Variants in CLMN observed in about 807,000 individuals in gnomAD.
CLMN encodes the protein calmin (calponin-like, transmembrane).
CLMN carries 57 observed loss-of-function variants against 92.7 expected under a neutral mutation model. That is an observed-to-expected ratio of 0.61 (90% confidence interval 0.50 to 0.77). The LOEUF (loss-of-function observed/expected upper bound fraction) is 0.77, where lower values mean the gene tolerates loss of function less well. CLMN is among the 30% of genes least tolerant of loss of function. The pLI, the probability that CLMN is intolerant of heterozygous loss-of-function variation, is 0.00. For missense variants in CLMN, 1,158 were observed against 1,237.5 expected (o/e 0.94, Z 0.96); for synonymous variants, 466 against 470.6 (o/e 0.99, Z 0.13).
Position 95,267,609 on chromosome 14 carries a change from T to C in CLMN, c.83-37476A>G, listed in dbSNP as rs570763633. 2.7e-3 allele frequency among the ~76,000 whole-genome samples: 406 copies of C among 152,298 alleles called. 3 individuals carry two copies. Among genetic ancestry groups the C allele is most frequent in the African/African-American group, 9.6e-3 (399 of 41,576 alleles). The stretch of plus-strand genomic sequence containing the variant: ...AGAATGTAAATTAACACAGCCACTA[T>C]GAAGATTCGTCAAAAAACTAAAAAT... On this transcript the variant is annotated intron_variant, in intron 1 of 12. Coordinates refer to ENST00000298912, the MANE Select transcript of CLMN (RefSeq NM_024734.4).
At chr14:95,288,846 G>C (rs552729271) in intron 1 of CLMN, among the ~76,000 whole-genome samples, 1 of 152,108 alleles carries the variant, frequency 6.6e-6, no homozygotes, top group Admixed American at 6.5e-5. Context: ...TGGTACAGTC[G>C]CACAAAGGAA....
At chr14:95,206,294 A>C (rs912204574) in intron 8 of CLMN, among the ~76,000 whole-genome samples, 2 of 152,210 alleles carry the variant, frequency 1.3e-5, no homozygotes, top group Non-Finnish European at 2.9e-5. Flanking sequence ...TAAGAGGAGA[A>C]ATAAATTCAC....
In CLMN at chr14:95,223,831, C is replaced by T. The variant is rs1365035173; in HGVS notation, c.169G>A (p.Asp57Asn). 6.2e-7 allele frequency: 1 copy of T among 1,613,466 alleles called. No individual in the cohort carries two copies. The highest frequency in any genetic ancestry group is 1.7e-5 in the Admixed American group (1 of 59,770). ...EKCNPPLEVK[D>N]LFVDIQDGKI... ...CCATCTTGTATATCGACGAATAAATCTTTAACTTCTAGAGGTGGGTTGCAC... is the reference window on the plus strand; with the variant it reads ...CCATCTTGTATATCGACGAATAAATTTTTAACTTCTAGAGGTGGGTTGCAC... Residue 57 changes from aspartate to asparagine, a missense_variant, in exon 3 of 13, where the codon GAT (aspartate) becomes AAT (asparagine). Coordinates refer to ENST00000298912, the MANE Select transcript of CLMN (RefSeq NM_024734.4).
chr14:95,303,677 A>C (rs1901154855), intron 1 of CLMN, among the ~76,000 whole-genome samples: 1 of 152,222 alleles, frequency 6.6e-6, no homozygotes, highest in South Asian at 2.1e-4. Context: ...GAAATGGTCA[A>C]AATGGAATGA....
chr14:95,314,704 G>A (rs1298382642), intron 1 of CLMN, among the ~76,000 whole-genome samples: 1 of 152,144 alleles, frequency 6.6e-6, no homozygotes, highest in Non-Finnish European at 1.5e-5. Context: ...GGCCCCTCAA[G>A]AAAAATCCAC....
chr14:95,313,266 G>A (rs1005462537), intron 1 of CLMN, among the ~76,000 whole-genome samples: 7 of 152,194 alleles, frequency 4.6e-5, no homozygotes, highest in African/African-American at 1.7e-4. Context: ...TTTGCTGAGA[G>A]CATTTTACTA....
At chr14:95,223,924 G>T in intron 2 of CLMN, 69 bp from the exon 3 acceptor site, 3 of 1,084,696 alleles carry the variant, frequency 2.8e-6, no homozygotes, top group Non-Finnish European at 2.8e-6. Context: ...TGTCAGAGAT[G>T]CAGCTTTCTG....
chr14:95,270,592 T>C lies in CLMN; in HGVS notation c.83-40459A>G, dbSNP rs114223740. 1.8e-3 allele frequency among the ~76,000 whole-genome samples: 273 copies of C among 151,994 alleles called. 2 individuals carry two copies. The highest frequency in any genetic ancestry group is 6.1e-3 in the African/African-American group (252 of 41,226). On this transcript the variant is annotated intron_variant, in intron 1 of 12. Transcript: ENST00000298912. ...TAATGTTTTCAAGGTTCATCCATAT[T>C]ATAGGACGTTTTCAAGGTTTATCCA... is the stretch of plus-strand genomic sequence containing the variant.
At chr14:95,245,211 TATATATATATATATTATATATATATATTA>T in intron 1 of CLMN, among the ~76,000 whole-genome samples, 2 of 21,782 alleles carry the variant, frequency 9.2e-5, no homozygotes, top group East Asian at 5.8e-3. Flanking sequence ...ATATATATTA[TATATATATATATATTATATATATATATTA>T]TATATATATA....
At chr14:95,301,687 C>G (rs1166379347) in intron 1 of CLMN, among the ~76,000 whole-genome samples, 1 of 152,250 alleles carries the variant, frequency 6.6e-6, no homozygotes, top group Non-Finnish European at 1.5e-5. Flanking sequence ...TGCATGCTGG[C>G]TCATACCAAC....
chr14:95,188,160 T>C lies in CLMN; in HGVS notation c.*3404A>G, dbSNP rs1203549367. On this transcript the variant is annotated 3_prime_UTR_variant, in exon 13 of 13. Coordinates refer to ENST00000298912, the MANE Select transcript of CLMN (RefSeq NM_024734.4). ...ACCAGTTGGCACACACAACTTCCAATCAGCTTTTGGATGCCTCACTCTTAA... is the reference window on the plus strand; with the variant it reads ...ACCAGTTGGCACACACAACTTCCAACCAGCTTTTGGATGCCTCACTCTTAA... 6.6e-6 allele frequency: 1 copy of C among 152,178 alleles called. No individual in the cohort carries two copies. Among genetic ancestry groups the C allele is most frequent in the Non-Finnish European group, 1.5e-5 (1 of 68,042 alleles). The allele number at this position is 152,178 out of a possible 1,614,324, so 9.4% of individuals were successfully genotyped here. A position where few individuals can be genotyped will look rare whatever the true frequency, so the allele number is the denominator to read the frequency against.
At chr14:95,211,411 G>A (rs1420234664) in intron 6 of CLMN, among the ~76,000 whole-genome samples, 1 of 152,078 alleles carries the variant, frequency 6.6e-6, no homozygotes, top group African/African-American at 2.4e-5. Context: ...ACAACGTTGG[G>A]AGCCCAAGAA....
intron 1 of CLMN, among the ~76,000 whole-genome samples, chr14:95,281,561 C>T (rs1319802083): frequency 6.6e-6 from 1 of 152,194 alleles, no homozygotes; most frequent in Non-Finnish European, 1.5e-5. Flanking sequence ...CCAGTGATCA[C>T]TGGCTACTGC....
intron 1 of CLMN, among the ~76,000 whole-genome samples, chr14:95,244,010 G>A (rs28418403): frequency 0.016 from 2,482 of 152,166 alleles, 55 homozygotes; most frequent in African/African-American, 0.056. Context: ...GTTTAAAGGC[G>A]TGTAGCACCT....
Position 95,194,007 on chromosome 14 carries a change from C to T in CLMN, c.2770-88G>A, listed in dbSNP as rs1896628865. 1.9e-6 allele frequency: 3 copies of T among 1,564,716 alleles called. No homozygotes were observed. Among genetic ancestry groups the T allele is most frequent in the South Asian group, 1.2e-5 (1 of 84,258 alleles). On this transcript the variant is annotated intron_variant, in intron 11 of 12. Coordinates refer to ENST00000298912, the MANE Select transcript of CLMN (RefSeq NM_024734.4). The surrounding 1 kb of genome is among the most constrained non-coding windows in gnomAD (Gnocchi z 4.0). The stretch of plus-strand genomic sequence containing the variant: ...ACAGAAGATAAAACGATTTTAAACA[C>T]ACAAAGCCGAGCATGCCGGGCATTT...
chr14:95,277,713 T>C (rs1296273612), intron 1 of CLMN, among the ~76,000 whole-genome samples: 1 of 152,214 alleles, frequency 6.6e-6, no homozygotes, highest in East Asian at 1.9e-4. Context: ...CTGCAACCTC[T>C]GCCTCCCAGG....
At chr14:95,285,440 G>C (rs780800618) in intron 1 of CLMN, among the ~76,000 whole-genome samples, 3 of 152,192 alleles carry the variant, frequency 2.0e-5, no homozygotes, top group Admixed American at 6.5e-5. Flanking sequence ...AAATTTAAAT[G>C]TGTGTGGGAG....
intron 9 of CLMN, chr14:95,199,031 G>T: frequency 6.6e-6 from 1 of 152,404 alleles, no homozygotes; most frequent in African/African-American, 2.4e-5. Flanking sequence ...GTGGTCCCTG[G>T]CACCTGCAGA....
chr14:95,228,414 T>C (rs1487852859), intron 2 of CLMN, among the ~76,000 whole-genome samples: 1 of 152,222 alleles, frequency 6.6e-6, no homozygotes, highest in Non-Finnish European at 1.5e-5. Flanking sequence ...CTTTCACCCG[T>C]AGAGTTCAGG....
Sources: allele counts gnomAD v4.1 joint callset (sites outside exome capture counted in the v4.1 genomes callset), GRCh38; gene constraint gnomAD v4.1.1; non-coding constraint Gnocchi (gnomAD v3.1); transcripts MANE v1.5; gene names NCBI Gene and HGNC (gene_info 2026-07-23, HGNC 2026-07-21).